Variants in NFIA observed in about 807,000 individuals in gnomAD.
NFIA encodes the protein nuclear factor 1 A-type.
A neutral mutation model predicts 62.8 loss-of-function variants in NFIA; 8 were observed. The observed-to-expected ratio is 0.13, with a 90% CI of 0.07 to 0.23. NFIA has a LOEUF of 0.23. Among genes scored for constraint, NFIA ranks in the 10% least tolerant of loss-of-function variants. The probability of loss-of-function intolerance (pLI) is 1.00; values close to 1 mark genes in which losing one functional copy is unlikely to be tolerated. For synonymous variants in NFIA, 235 were observed against 238.1 expected (o/e 0.99, Z 0.12); for missense variants, 410 against 642.1 (o/e 0.64, Z 3.91).
At chr1:61,192,879 A>G (rs1005010217) in intron 2 of NFIA, among the ~76,000 whole-genome samples, 5 of 152,310 alleles carry the variant, frequency 3.3e-5, no homozygotes, top group Non-Finnish European at 5.9e-5. Context: ...CTCATTAGCA[A>G]CACTCCAAGT....
intron 3 of NFIA, among the ~76,000 whole-genome samples, chr1:61,311,933 G>A (rs1166172403): frequency 6.6e-6 from 1 of 152,186 alleles, no homozygotes; most frequent in African/African-American, 2.4e-5. Flanking sequence ...AGAGCCCTTT[G>A]GAATCACCTT....
chr1:61,265,118 T>C (rs533253049), intron 2 of NFIA, among the ~76,000 whole-genome samples: 1 of 152,366 alleles, frequency 6.6e-6, no homozygotes, highest in African/African-American at 2.4e-5. Flanking sequence ...TAATTCAGTA[T>C]AGCTTTGGTT....
chr1:61,282,304 T>A (rs1477092873), intron 3 of NFIA, among the ~76,000 whole-genome samples: 1 of 152,200 alleles, frequency 6.6e-6, no homozygotes, highest in Non-Finnish European at 1.5e-5. Flanking sequence ...TTGGTATCAT[T>A]TAATCCTTTG....
chr1:61,282,843 GATATTT>G (rs1441766984), intron 3 of NFIA, among the ~76,000 whole-genome samples: 1 of 152,154 alleles, frequency 6.6e-6, no homozygotes, highest in Non-Finnish European at 1.5e-5. Flanking sequence ...TTTAAAATGT[GATATTT>G]ATAACAAGAA....
At chr1:61,243,013 T>C (rs1040837030) in intron 2 of NFIA, among the ~76,000 whole-genome samples, 19 of 152,172 alleles carry the variant, frequency 1.2e-4, no homozygotes, top group African/African-American at 4.6e-4. Flanking sequence ...CGGTCCTTTT[T>C]TTAATGATTT....
At chr1:61,212,593 G>A (rs942038409) in intron 2 of NFIA, among the ~76,000 whole-genome samples, 4 of 152,182 alleles carry the variant, frequency 2.6e-5, no homozygotes, top group Non-Finnish European at 5.9e-5. Context: ...AAAAGAGGCT[G>A]TAAAACATCG....
At chr1:61,451,157 A>G (rs1346256584) in intron 10 of NFIA, among the ~76,000 whole-genome samples, 3 of 152,122 alleles carry the variant, frequency 2.0e-5, no homozygotes, top group Non-Finnish European at 4.4e-5. Flanking sequence ...ATGCAGTCGG[A>G]TAGATATTGT....
intron 2 of NFIA, among the ~76,000 whole-genome samples, chr1:61,181,496 G>A (rs12081195): frequency 0.15 from 23,538 of 152,114 alleles, 2,886 homozygotes; most frequent in African/African-American, 0.32. Context: ...GTGAAAGTCT[G>A]TAAGATGGAA....
intron 3 of NFIA, among the ~76,000 whole-genome samples, chr1:61,321,901 T>C (rs952446520): frequency 9.9e-5 from 15 of 152,212 alleles, no homozygotes; most frequent in African/African-American, 3.6e-4. Flanking sequence ...ATGAAGTCAT[T>C]GGGCAATCAC....
chr1:61,179,426 G>A (rs1043476359), intron 2 of NFIA, among the ~76,000 whole-genome samples: 2 of 152,204 alleles, frequency 1.3e-5, no homozygotes, highest in African/African-American at 4.8e-5. Flanking sequence ...ATTTGTTCGA[G>A]TCTCAGTTTT....
chr1:61,155,643 G>T (rs1648757670), intron 2 of NFIA, among the ~76,000 whole-genome samples: 1 of 129,884 alleles, frequency 7.7e-6, no homozygotes, highest in African/African-American at 2.8e-5. Flanking sequence ...ACTGCAGTCC[G>T]CAGTCCGGCC....
At chr1:61,326,007 T>C (rs1660918034) in intron 3 of NFIA, among the ~76,000 whole-genome samples, 1 of 151,684 alleles carries the variant, frequency 6.6e-6, no homozygotes, top group African/African-American at 2.4e-5. Flanking sequence ...CATTCACATA[T>C]GTTTTACCTT....
chr1:61,183,035 T>C (rs1650861860), intron 2 of NFIA, among the ~76,000 whole-genome samples: 4 of 152,190 alleles, frequency 2.6e-5, no homozygotes, highest in African/African-American at 7.2e-5. Flanking sequence ...GATCGTAATC[T>C]TTTGATGGGC....
intron 10 of NFIA, among the ~76,000 whole-genome samples, chr1:61,427,533 G>A (rs1666923229): frequency 6.6e-6 from 1 of 152,156 alleles, no homozygotes; most frequent in South Asian, 2.1e-4. Context: ...ATAACTATTT[G>A]CCTCTGTTTG....
intron 10 of NFIA, among the ~76,000 whole-genome samples, chr1:61,428,525 G>C (rs917261366): frequency 6.6e-6 from 1 of 151,842 alleles, no homozygotes; most frequent in Non-Finnish European, 1.5e-5. Context: ...TATGTTAATG[G>C]AGTTGTCATT....
intron 3 of NFIA, among the ~76,000 whole-genome samples, chr1:61,287,493 G>T (rs923836480): frequency 5.9e-5 from 9 of 152,178 alleles, no homozygotes; most frequent in Admixed American, 5.9e-4. Flanking sequence ...CACCATGAAG[G>T]TGGATTTTGT....
At chr1:61,422,351 A>G (rs1335305520) in intron 9 of NFIA, among the ~76,000 whole-genome samples, 4 of 152,326 alleles carry the variant, frequency 2.6e-5, no homozygotes, top group African/African-American at 9.6e-5. Flanking sequence ...TCCAAAGACA[A>G]GCTGAAAGCA....
chr1:61,412,350 G>A lies in NFIA; in HGVS notation c.1420+5623G>A, dbSNP rs912424247. Among the ~76,000 whole-genome samples, 5 of 152,182 alleles carry A rather than the reference G, an allele frequency of 3.3e-5. No homozygotes were observed. The East Asian group carries it at 7.7e-4, about 24-fold the overall frequency. On this transcript the variant is annotated intron_variant, in intron 9 of 10. Coordinates refer to ENST00000403491, the MANE Select transcript of NFIA (RefSeq NM_001134673.4). Reference sequence around the variant, plus strand: ...TAAAACAAGCAGGGTTGATAGGGAGGGGCACTTATTGCAATCTTCCAGGCA... The same window carrying A: ...TAAAACAAGCAGGGTTGATAGGGAGAGGCACTTATTGCAATCTTCCAGGCA...
chr1:61,238,409 C>T (rs770801420), intron 2 of NFIA, among the ~76,000 whole-genome samples: 1 of 152,136 alleles, frequency 6.6e-6, no homozygotes, highest in East Asian at 1.9e-4. Flanking sequence ...GAGTCATATG[C>T]GGTATCTTCA....
Sources: allele counts gnomAD v4.1 joint callset (sites outside exome capture counted in the v4.1 genomes callset), GRCh38; gene constraint gnomAD v4.1.1; transcripts MANE v1.5; gene names NCBI Gene and HGNC (gene_info 2026-07-23, HGNC 2026-07-21).